Variants in CAMTA1 observed in about 807,000 individuals in gnomAD.
CAMTA1 encodes the protein calmodulin-binding transcription activator 1.
In CAMTA1, 27 loss-of-function variants were observed where a neutral mutation model predicts 170.9. The observed-to-expected ratio is 0.16, with a 90% CI of 0.12 to 0.22. CAMTA1 has a LOEUF of 0.22. CAMTA1 is among the 10% of genes least tolerant of loss of function. The probability of loss-of-function intolerance (pLI) is 1.00; values close to 1 mark genes in which losing one functional copy is unlikely to be tolerated. For synonymous variants in CAMTA1, 833 were observed against 891.5 expected (o/e 0.93, Z 1.17); for missense variants, 1,619 against 2,217.2 (o/e 0.73, Z 5.42).
intron 3 of CAMTA1, among the ~76,000 whole-genome samples, chr1:6,984,056 A>G (rs75107226): frequency 0.036 from 6 of 168 alleles, no homozygotes; most frequent in Non-Finnish European, 0.064. Context: ...ATAGATGGAT[A>G]AATGGGTGGG....
intron 3 of CAMTA1, among the ~76,000 whole-genome samples, chr1:7,073,145 A>G (rs1638862727): frequency 6.6e-6 from 1 of 152,164 alleles, no homozygotes; most frequent in African/African-American, 2.4e-5. Context: ...TTTGCTTCTA[A>G]TGTTTCCAAA....
rs531305457 is a variant in CAMTA1, at chr1:7,760,190, A to T, written c.4989+4522A>T. Among the ~76,000 whole-genome samples, 7 of 152,346 alleles carry T rather than the reference A, an allele frequency of 4.6e-5. No individual in the cohort carries two copies. In the South Asian group the frequency reaches 1.4e-3, roughly 32 times the overall value. On this transcript the variant is annotated intron_variant, in intron 22 of 22. Coordinates refer to ENST00000303635, the MANE Select transcript of CAMTA1 (RefSeq NM_015215.4). ...TAACACTTTTTAGTCACATATTTTC[A>T]AACAACATATTTTCTTTTTATTTGA...
chr1:7,744,900 T>C lies in CAMTA1; in HGVS notation c.4248T>C (p.Asn1416=). Reference sequence around the variant, plus strand: ...CACCTGACCGAATCAAGCAGGAGAATTTTGTGCCCATGGAGTCCTCAGGAT... The same window carrying C: ...CACCTGACCGAATCAAGCAGGAGAACTTTGTGCCCATGGAGTCCTCAGGAT... The part of the protein sequence containing the change: ...EATPDRIKQE[N]FVPMESSGLE... The change falls in exon 17 of 23, where the codon AAT becomes AAC. Residue 1416 remains asparagine (N), a synonymous_variant. Transcript: ENST00000303635. The C allele has an allele frequency of 1.2e-6, 2 of 1,614,032 alleles. No individual in the cohort carries two copies. Among genetic ancestry groups the C allele is most frequent in the East Asian group, 4.5e-5 (2 of 44,848 alleles).
At chr1:6,800,586 C>G (rs536488421) in intron 1 of CAMTA1, among the ~76,000 whole-genome samples, 83 of 152,282 alleles carry the variant, frequency 5.5e-4, no homozygotes, top group Non-Finnish European at 4.3e-4. Flanking sequence ...TTGCTAACCT[C>G]AGACTTTTTA....
intron 5 of CAMTA1, among the ~76,000 whole-genome samples, chr1:7,439,572 G>A (rs1348878964): frequency 6.6e-6 from 1 of 152,190 alleles, no homozygotes; most frequent in Non-Finnish European, 1.5e-5. Flanking sequence ...GACCCTCTGA[G>A]CTACTGGTTA....
rs115696200 is a variant in CAMTA1, at chr1:7,010,118, G to A, written c.235-81186G>A. Among the ~76,000 whole-genome samples, 1,468 of 152,320 alleles carry A rather than the reference G, an allele frequency of 9.6e-3. 7 individuals carry two copies. The highest frequency in any genetic ancestry group is 0.015 in the Non-Finnish European group (1,025 of 68,014). On this transcript the variant is annotated intron_variant, in intron 3 of 22. Coordinates refer to ENST00000303635, the MANE Select transcript of CAMTA1 (RefSeq NM_015215.4). The surrounding 1 kb of genome is among the most constrained non-coding windows in gnomAD (Gnocchi z 4.4). Reference sequence around the variant, plus strand: ...TCTTCTGGATTTGGATTTGTCCCCAGGACAGACGTCCTTGGGTCTTACCAG... The same window carrying A: ...TCTTCTGGATTTGGATTTGTCCCCAAGACAGACGTCCTTGGGTCTTACCAG...
At position 7,698,074 on chromosome 1, in the gene CAMTA1, A is replaced by ACCCCCCCCCCCCCC. The variant is rs55893283; in HGVS notation, c.2914+20342_2914+20355dup. ...CAGGTCATGCTGGCCACGCACTGTG[A>ACCCCCCCCCCCCCC]CCCCCCCCCCCCCCACCAACATGGC... On this transcript the variant is annotated intron_variant, in intron 11 of 22. Coordinates refer to ENST00000303635, the MANE Select transcript of CAMTA1 (RefSeq NM_015215.4). Among the ~76,000 whole-genome samples, 7 of 98,586 alleles carry ACCCCCCCCCCCCCC rather than the reference A, an allele frequency of 7.1e-5. 2 individuals carry two copies. Among genetic ancestry groups the ACCCCCCCCCCCCCC allele is most frequent in the Non-Finnish European group, 1.3e-4 (6 of 46,022 alleles). 64.7% of individuals were successfully genotyped at this position (98,586 alleles called of 152,430 possible). A position where few individuals can be genotyped will look rare whatever the true frequency, so the allele number is the denominator to read the frequency against.
chr1:6,811,681 C>G (rs1039991682), intron 1 of CAMTA1, among the ~76,000 whole-genome samples: 1 of 152,194 alleles, frequency 6.6e-6, no homozygotes, highest in Non-Finnish European at 1.5e-5. Flanking sequence ...AGAAACTCTT[C>G]TCACAGTGGA....
chr1:7,712,748 G>T (rs1256331573), intron 11 of CAMTA1, among the ~76,000 whole-genome samples: 1 of 152,158 alleles, frequency 6.6e-6, no homozygotes, highest in African/African-American at 2.4e-5. Flanking sequence ...CTCCAGACTG[G>T]GTAATTTGTA....
intron 3 of CAMTA1, among the ~76,000 whole-genome samples, chr1:6,926,865 G>A (rs1683386251): frequency 6.6e-6 from 1 of 151,784 alleles, no homozygotes. Context: ...AAAGTAGCTG[G>A]GACTACATGC....
chr1:7,676,564 C>T (rs1576779209), intron 10 of CAMTA1, among the ~76,000 whole-genome samples: 3 of 152,218 alleles, frequency 2.0e-5, no homozygotes, highest in Non-Finnish European at 4.4e-5. Flanking sequence ...ACGGCTTCCT[C>T]GACTCTATAA....
At position 7,144,110 on chromosome 1, in the gene CAMTA1, T is replaced by G. The variant is rs1646042695; in HGVS notation, c.302+52739T>G. On this transcript the variant is annotated intron_variant, in intron 4 of 22. Transcript: ENST00000303635. The surrounding 1 kb of genome is among the most constrained non-coding windows in gnomAD (Gnocchi z 4.0). The stretch of plus-strand genomic sequence containing the variant: ...GGGTGGCTTAAACAACAGACATTTA[T>G]TTTCTTATGTTCTGGAGGCTGGAAG... Among the ~76,000 whole-genome samples, 1 of 152,206 alleles carries G rather than the reference T, an allele frequency of 6.6e-6. No individual in the cohort carries two copies. Among genetic ancestry groups the G allele is most frequent in the South Asian group, 2.1e-4 (1 of 4,824 alleles).
chr1:7,745,849 G>T lies in CAMTA1; in HGVS notation c.4375G>T (p.Ala1459Ser). Residue 1459 changes from alanine (A) to serine (S), a missense_variant, in exon 18 of 23, where the codon GCA becomes TCA. Ala to Ser is a moderately conservative substitution (Grantham distance 99). Coordinates refer to ENST00000303635, the MANE Select transcript of CAMTA1 (RefSeq NM_015215.4). ...CLPSAAQIRS[A>S]YNEPLTPSSN... ...CTTTTTCTCCTCTTGTTTCAGAAGT[G>T]CATATAACGAGCCTCTAACCCCTTC... 6.2e-7 allele frequency: 1 copy of T among 1,614,104 alleles called. No individual in the cohort carries two copies. The highest frequency in any genetic ancestry group is 8.5e-7 in the Non-Finnish European group (1 of 1,180,014).
At chr1:7,610,189 T>C (rs1226381581) in intron 6 of CAMTA1, among the ~76,000 whole-genome samples, 1 of 152,134 alleles carries the variant, frequency 6.6e-6, no homozygotes, top group Non-Finnish European at 1.5e-5. Flanking sequence ...AAACATGACC[T>C]CATAAATACA....
intron 6 of CAMTA1, among the ~76,000 whole-genome samples, chr1:7,569,558 A>AACATCACCATCTTCATCATCACATC (rs1553206258): frequency 6.7e-6 from 1 of 149,338 alleles, no homozygotes; most frequent in Admixed American, 6.6e-5. Flanking sequence ...CCACCACATC[A>AACATCACCATCTTCATCATCACATC]ACATCACCAT....
chr1:7,298,275 G>A (rs1434749444), intron 5 of CAMTA1, among the ~76,000 whole-genome samples: 3 of 152,068 alleles, frequency 2.0e-5, no homozygotes, highest in African/African-American at 7.2e-5. Context: ...GGGTATAACA[G>A]TAGGGGCTGC....
At chr1:7,037,919 T>TTA (rs1553226332) in intron 3 of CAMTA1, among the ~76,000 whole-genome samples, 73 of 109,766 alleles carry the variant, frequency 6.7e-4, no homozygotes, top group African/African-American at 1.5e-3. Context: ...TGATCTTTAT[T>TTA]TTTTTTTTTT....
intron 3 of CAMTA1, among the ~76,000 whole-genome samples, chr1:6,897,609 T>A (rs1203899469): frequency 1.3e-5 from 2 of 152,194 alleles, no homozygotes; most frequent in African/African-American, 4.8e-5. Flanking sequence ...CCTGGTGAGT[T>A]TTTGAAAGGC....
intron 6 of CAMTA1, among the ~76,000 whole-genome samples, chr1:7,542,179 C>T (rs1299544633): frequency 6.6e-6 from 1 of 152,084 alleles, no homozygotes; most frequent in Non-Finnish European, 1.5e-5. Flanking sequence ...TGGGAAAGTA[C>T]TAAAAGGATA....
Sources: gnomAD v4.1 joint callset for allele counts (sites outside exome capture counted in the v4.1 genomes callset) on GRCh38, gnomAD v4.1.1 for gene constraint, Gnocchi (gnomAD v3.1) non-coding constraint, MANE v1.5 for transcripts, NCBI Gene and HGNC (gene_info 2026-07-23, HGNC 2026-07-21) for gene names.